Variants in DCBLD1 observed in about 807,000 individuals in gnomAD.
DCBLD1 encodes the protein discoidin, CUB and LCCL domain containing 1, also known as discoidin, CUB and LCCL domain-containing protein 1.
A neutral mutation model predicts 71.5 loss-of-function variants in DCBLD1; 57 were observed. The observed-to-expected ratio is 0.80, with a 90% confidence interval of 0.64 to 0.99. DCBLD1 has a LOEUF of 0.99. Among genes scored for constraint, DCBLD1 ranks in the 50% least tolerant of loss-of-function variants. The probability of loss-of-function intolerance (pLI) is 0.00; values close to 1 mark genes in which losing one functional copy is unlikely to be tolerated. For synonymous variants in DCBLD1, 380 were observed against 363.8 expected, an observed-to-expected ratio of 1.04 and a Z score of -0.51; for missense variants, 891 against 923.5, an observed-to-expected ratio of 0.96 and a Z score of 0.46.
intron 2 of DCBLD1, among the ~76,000 whole-genome samples, chr6:117,512,901 C>A (rs368466326): frequency 1.3e-5 from 2 of 152,042 alleles, no homozygotes; most frequent in Non-Finnish European, 2.9e-5. Context: ...AGAAATAATA[C>A]TACTAAGGGA....
In DCBLD1 at chr6:117,548,805, A is replaced by G; in HGVS notation, c.*366A>G. Reference sequence around the variant, plus strand: ...ACTTAAGTTTGCTCTATCAGATTTTAGTTCTGCACAGAGGTTAAGTGGGAA... The same window carrying G: ...ACTTAAGTTTGCTCTATCAGATTTTGGTTCTGCACAGAGGTTAAGTGGGAA... On this transcript the variant is annotated 3_prime_UTR_variant, in exon 15 of 15. Transcript: ENST00000338728. 1 of 1,096,508 alleles carries G rather than the reference A, an allele frequency of 9.1e-7. No homozygotes were observed. The highest frequency in any genetic ancestry group is 1.1e-6 in the Non-Finnish European group (1 of 900,190). 67.9% of individuals were successfully genotyped at this position (1,096,508 alleles called of 1,614,324 possible). A position where few individuals can be genotyped will look rare whatever the true frequency, so the allele number is the denominator to read the frequency against.
intron 1 of DCBLD1, among the ~76,000 whole-genome samples, chr6:117,488,366 G>T (rs1288085231): frequency 1.3e-5 from 2 of 152,182 alleles, no homozygotes; most frequent in African/African-American, 4.8e-5. Flanking sequence ...TAACTAGGCC[G>T]GGCAGGGCGG....
At chr6:117,525,472 A>G in intron 5 of DCBLD1, 38 bp downstream of exon 5, 1 of 1,409,486 alleles carries the variant, frequency 7.1e-7, no homozygotes, top group Non-Finnish European at 9.4e-7. Context: ...ATGAATTAAA[A>G]GGAGTAAGTG....
chr6:117,511,591 C>T (rs556442165), intron 2 of DCBLD1, among the ~76,000 whole-genome samples: 8 of 152,216 alleles, frequency 5.3e-5, no homozygotes, highest in African/African-American at 1.7e-4. Flanking sequence ...GGAAATAATG[C>T]GAAGTGGTTA....
intron 2 of DCBLD1, among the ~76,000 whole-genome samples, chr6:117,519,074 C>A (rs914678752): frequency 6.6e-6 from 1 of 152,072 alleles, no homozygotes; most frequent in South Asian, 2.1e-4. Context: ...ATGTTACTTT[C>A]GAAATGACAA....
rs1378324416 is a variant in DCBLD1 at position 117,545,593 on chromosome 6, G to A, written c.1611G>A (p.Met537Ile). 2 of 1,613,560 alleles carry A rather than the reference G, an allele frequency of 1.2e-6. No homozygotes were observed. Among genetic ancestry groups the A allele is most frequent in the Admixed American group, 3.3e-5 (2 of 59,978 alleles). Reference protein sequence around the residue: ...TQKLDLITSDMADYQQPLMIG... With the variant: ...TQKLDLITSDIADYQQPLMIG... Reference sequence around the variant, plus strand: ...AGTTAGATCTCATCACAAGTGATATGGCAGGTAAGTGTCATATTTCTAGGA... The same window carrying A: ...AGTTAGATCTCATCACAAGTGATATAGCAGGTAAGTGTCATATTTCTAGGA... Residue 537 changes from methionine to isoleucine, a missense_variant, in exon 14 of 15, where the codon ATG becomes ATA. Coordinates refer to ENST00000338728, the MANE Select transcript of DCBLD1 (RefSeq NM_001366458.2).
intron 2 of DCBLD1, among the ~76,000 whole-genome samples, chr6:117,510,348 CACACAG>C (rs1238782289): frequency 1.3e-5 from 2 of 150,966 alleles, no homozygotes; most frequent in African/African-American, 2.4e-5. Flanking sequence ...CACAGACACA[CACACAG>C]ACACAGACAC....
rs574112710 is a variant in DCBLD1, at chr6:117,534,911, T to G, written c.720-2274T>G. Among the ~76,000 whole-genome samples, 3 of 152,228 alleles carry G rather than the reference T, an allele frequency of 2.0e-5. No individual in the cohort carries two copies. In the East Asian group the frequency reaches 5.8e-4, roughly 29 times the overall value. On this transcript the variant is annotated intron_variant, in intron 6 of 14. Transcript: ENST00000338728. The stretch of plus-strand genomic sequence containing the variant: ...TGTACTAATTGTCTCATTTTTATTT[T>G]GGGGGGAGTAGATAGAAAGTTCAGA...
downstream of DCBLD1, among the ~76,000 whole-genome samples, chr6:117,553,322 A>G (rs189055970): frequency 1.4e-4 from 22 of 152,330 alleles, no homozygotes; most frequent in Non-Finnish European, 3.2e-4. Flanking sequence ...CAAAACCTGT[A>G]TCCACTTCAT....
intron 5 of DCBLD1, 80 bp from the exon 6 acceptor site, chr6:117,532,180 A>G: frequency 3.3e-6 from 5 of 1,516,968 alleles, no homozygotes; most frequent in Non-Finnish European, 4.4e-6. Flanking sequence ...ATAAATTACC[A>G]CAGAAACAAA....
chr6:117,519,783 T>G, intron 2 of DCBLD1, 33 bp from the exon 3 acceptor site: 4 of 1,591,434 alleles, frequency 2.5e-6, no homozygotes, highest in Non-Finnish European at 3.4e-6. Flanking sequence ...GGTATAAATT[T>G]TGAAATGTGC....
chr6:117,523,890 AAGGGCACATGGC>A lies in DCBLD1; in HGVS notation c.513-1470_513-1459del, dbSNP rs979012737. On this transcript the variant is annotated intron_variant, in intron 4 of 14. Coordinates refer to ENST00000338728, the MANE Select transcript of DCBLD1 (RefSeq NM_001366458.2). Reference sequence around the variant, plus strand: ...TGTAAAGTGGTGTCTATATAGAAGTAAGGGCACATGGCATGCATCTTCAAAGCTGACAACATT... The same window carrying A: ...TGTAAAGTGGTGTCTATATAGAAGTAATGCATCTTCAAAGCTGACAACATT... Among the ~76,000 whole-genome samples, 35 of 152,234 alleles carry A rather than the reference AAGGGCACATGGC, an allele frequency of 2.3e-4. 1 individual carries two copies. Among genetic ancestry groups the A allele is most frequent in the African/African-American group, 8.2e-4 (34 of 41,450 alleles).
chr6:117,555,781 C>T (rs1414539061), intron 14 of DCBLD1, among the ~76,000 whole-genome samples: 1 of 152,128 alleles, frequency 6.6e-6, no homozygotes, highest in East Asian at 1.9e-4. Context: ...AACCGTGCAC[C>T]TTTTAAGAAA....
chr6:117,514,884 A>G (rs1176616285), intron 2 of DCBLD1, among the ~76,000 whole-genome samples: 3 of 152,080 alleles, frequency 2.0e-5, no homozygotes, highest in Non-Finnish European at 2.9e-5. Context: ...GTATGATGGT[A>G]TACACTCTCA....
At chr6:117,505,731 T>TAGGAGG (rs903055660) in intron 2 of DCBLD1, among the ~76,000 whole-genome samples, 3 of 152,056 alleles carry the variant, frequency 2.0e-5, no homozygotes, top group Non-Finnish European at 2.9e-5. Flanking sequence ...CTGGGAGGCC[T>TAGGAGG]AGGAGGAATG....
chr6:117,520,035 T>G, intron 3 of DCBLD1, 85 bp downstream of exon 3: 2 of 1,579,166 alleles, frequency 1.3e-6, no homozygotes, highest in Non-Finnish European at 1.7e-6. Flanking sequence ...CTGGACATAA[T>G]TGTGGACTCA....
intron 8 of DCBLD1, 191 bp from the exon 9 acceptor site, chr6:117,539,064 C>T (rs1779001684): frequency 4.3e-6 from 3 of 694,784 alleles, no homozygotes; most frequent in Non-Finnish European, 7.0e-6. Flanking sequence ...ATGGTGAAAT[C>T]TTTATATGGT....
chr6:117,552,025 C>T (rs1779435562), downstream of DCBLD1, among the ~76,000 whole-genome samples: 1 of 152,008 alleles, frequency 6.6e-6, no homozygotes, highest in Admixed American at 6.6e-5. Context: ...ACTGGGGAGG[C>T]GGGAGGATCA....
intron 2 of DCBLD1, among the ~76,000 whole-genome samples, chr6:117,515,019 G>GC (rs1208482990): frequency 1.4e-5 from 2 of 148,108 alleles, no homozygotes; most frequent in East Asian, 3.9e-4. Flanking sequence ...ACAGTTTGTG[G>GC]GTTTTTTTTT....
Sources: allele counts gnomAD v4.1 joint callset (sites outside exome capture counted in the v4.1 genomes callset), GRCh38; gene constraint gnomAD v4.1.1; transcripts MANE v1.5; gene names NCBI Gene and HGNC (gene_info 2026-07-23, HGNC 2026-07-21).